The following ABCA5 variants were observed in gnomAD, a reference collection of about 807,000 sequenced individuals.
ABCA5 encodes ATP binding cassette subfamily A member 5, also known as cholesterol transporter ABCA5.
ABCA5 carries 163 observed loss-of-function variants against 206.0 expected under a neutral mutation model. That is an observed-to-expected ratio of 0.79 (90% CI 0.70 to 0.90). The LOEUF is 0.90. Ranked by LOEUF, ABCA5 falls within the 40% of genes least tolerant of loss-of-function variation. The pLI is 0.00. For synonymous variants in ABCA5, 609 were observed against 613.8 expected, an observed-to-expected ratio of 0.99 and a Z score of 0.11; for missense variants, 1,859 against 1,912.9, an observed-to-expected ratio of 0.97 and a Z score of 0.53.
Position 69,251,875 on chromosome 17 carries a change from CATAA to C in ABCA5, c.4416-13_4416-10del. 3 of 1,608,484 alleles carry C rather than the reference CATAA, an allele frequency of 1.9e-6. No homozygotes were observed. Among genetic ancestry groups the C allele is most frequent in the Non-Finnish European group, 2.5e-6 (3 of 1,178,752 alleles). On this transcript the variant is annotated splice_polypyrimidine_tract_variant and intron_variant, in intron 34 of 38. Coordinates refer to ENST00000392676, the MANE Select transcript of ABCA5 (RefSeq NM_172232.4). ...CAGTTCGAATTGCTCGCCTATAAAA[CATAA>C]ATAAAACAAAAAGAGAGGAACACAT... is the stretch of plus-strand genomic sequence containing the variant.
chr17:69,275,193 A>G (rs1211741772), intron 19 of ABCA5, among the ~76,000 whole-genome samples: 2 of 152,142 alleles, frequency 1.3e-5, no homozygotes, highest in African/African-American at 4.8e-5. Flanking sequence ...TAGAGAAGCA[A>G]ATAAAAATAC....
At chr17:69,261,498 A>G in intron 25 of ABCA5, 137 bp downstream of exon 25, 3 of 620,202 alleles carry the variant, frequency 4.8e-6, no homozygotes, top group East Asian at 6.0e-5. Flanking sequence ...ACAAATGTAC[A>G]CACAAAAAGA....
chr17:69,254,173 ATC>A (rs1162175872), intron 32 of ABCA5, 140 bp downstream of exon 32: 1 of 699,202 alleles, frequency 1.4e-6, no homozygotes, highest in East Asian at 2.9e-5. Flanking sequence ...ATTTTCATAT[ATC>A]ATAAAGAATA....
chr17:69,293,871 T>TGTGTGTGTGC (rs1555581962), intron 11 of ABCA5, among the ~76,000 whole-genome samples: 1 of 115,298 alleles, frequency 8.7e-6, no homozygotes, highest in African/African-American at 3.2e-5. Context: ...TGTGTGTGTG[T>TGTGTGTGTGC]GCGTGTGTGT....
At position 69,290,039 on chromosome 17, in the gene ABCA5, T is replaced by TA; in HGVS notation, c.1607-3dup. On this transcript the variant is annotated splice_polypyrimidine_tract_variant and splice_region_variant and intron_variant, in intron 12 of 38. Transcript: ENST00000392676. ...TGTGTCCATATATAGATGCAAACCC[T>TA]AAAAGCAAAATATATATTTAAATGT... 3 of 1,555,444 alleles carry TA rather than the reference T, an allele frequency of 1.9e-6. No individual in the cohort carries two copies. The highest frequency in any genetic ancestry group is 2.6e-6 in the Non-Finnish European group (3 of 1,152,476).
At chr17:69,252,029 T>TTTTTTTTG (rs2075020071) in intron 34 of ABCA5, among the ~76,000 whole-genome samples, 163 bp from the exon 35 acceptor site, 1 of 151,766 alleles carries the variant, frequency 6.6e-6, no homozygotes, top group Non-Finnish European at 1.5e-5. Context: ...TTTTTTTTTT[T>TTTTTTTTG]GAGACGGAGT....
At chr17:69,276,281 G>C (rs1023303878) in intron 19 of ABCA5, among the ~76,000 whole-genome samples, 28 of 152,054 alleles carry the variant, frequency 1.8e-4, no homozygotes, top group African/African-American at 6.0e-4. Flanking sequence ...TAGAGACGGA[G>C]TTTCACCATG....
Position 69,304,709 on chromosome 17 carries a change from A to G in ABCA5, c.890T>C (p.Ile297Thr). 6.2e-7 allele frequency: 1 copy of G among 1,607,834 alleles called. No individual in the cohort carries two copies. The highest frequency in any genetic ancestry group is 8.5e-7 in the Non-Finnish European group (1 of 1,177,230). The change falls in exon 7 of 39, where the codon ATT becomes ACT. Residue 297 changes from isoleucine to threonine, a missense_variant. By Grantham distance (89) the Ile-to-Thr change is moderately conservative (BLOSUM62 -1). Transcript: ENST00000392676. ...AAGGAAAAAAAGCAGAAATATCACAATGCTGCTACTTTGAGGAAATAACAA... is the reference window on the plus strand; with the variant it reads ...AAGGAAAAAAAGCAGAAATATCACAGTGCTGCTACTTTGAGGAAATAACAA... ...ASLLFPQSSS[I>T]VIFLLFFLYG... is the part of the protein sequence containing the mutation.
At chr17:69,264,353 T>C (rs1430489849) in intron 24 of ABCA5, among the ~76,000 whole-genome samples, 1 of 152,106 alleles carries the variant, frequency 6.6e-6, no homozygotes, top group Non-Finnish European at 1.5e-5. Context: ...ATTATTGAGA[T>C]AGAGAAATGT....
At chr17:69,263,635 T>C (rs1249221725) in intron 24 of ABCA5, among the ~76,000 whole-genome samples, 13 of 151,906 alleles carry the variant, frequency 8.6e-5, no homozygotes. Flanking sequence ...CTGGAGCCTT[T>C]ATAGTATAGT....
At chr17:69,286,183 G>A (rs771410838) in intron 16 of ABCA5, 38 bp downstream of exon 16, 1 of 1,572,456 alleles carries the variant, frequency 6.4e-7, no homozygotes, top group Non-Finnish European at 8.7e-7. Context: ...TATAGCAAGA[G>A]TATAATATAG....
intron 37 of ABCA5, 110 bp from the exon 38 acceptor site, chr17:69,248,427 A>C: frequency 1.6e-6 from 1 of 620,266 alleles, no homozygotes. Flanking sequence ...AACCCACTTA[A>C]ATTTGAAGCT....
In ABCA5 at chr17:69,306,840, G is replaced by C; in HGVS notation, c.673C>G (p.Leu225Val). ...TFPRGVILIY[L>V]VIAFSPFGYF... Reference sequence around the variant, plus strand: ...CCAAAAGGTGAAAATGCTATAACTAGGTATATTAAAATTACTCCTCGGGGA... The same window carrying C: ...CCAAAAGGTGAAAATGCTATAACTACGTATATTAAAATTACTCCTCGGGGA... The change falls in exon 6 of 39, where the codon CTA becomes GTA. Residue 225 changes from leucine to valine, a missense_variant. By Grantham distance (32) the Leu-to-Val change is conservative. Transcript: ENST00000392676. 2.5e-6 allele frequency: 4 copies of C among 1,601,744 alleles called. No homozygotes were observed. The highest frequency in any genetic ancestry group is 3.4e-6 in the Non-Finnish European group (4 of 1,173,488).
Position 69,289,897 on chromosome 17 carries a change from T to C in ABCA5, c.1747A>G (p.Ile583Val), listed in dbSNP as rs2075506207. Reference protein sequence around the residue: ...VEENLSILASIKGIPANNIIQ... With the variant: ...VEENLSILASVKGIPANNIIQ... ...ATATTGTTGGCTGGTATCCCTTTGA[T>C]TGAAGCCAAAATTGATAAATTTTCT... Residue 583 changes from isoleucine (I) to valine (V), a missense_variant, in exon 13 of 39, where the codon ATC becomes GTC. Ile to Val is a conservative substitution (Grantham distance 29). Coordinates refer to ENST00000392676, the MANE Select transcript of ABCA5 (RefSeq NM_172232.4). 2.5e-6 allele frequency: 4 copies of C among 1,611,458 alleles called. No individual in the cohort carries two copies. The highest frequency in any genetic ancestry group is 3.3e-5 in the Admixed American group (2 of 59,732).
At chr17:69,296,585 G>C (rs1173689158) in intron 10 of ABCA5, among the ~76,000 whole-genome samples, 1 of 152,182 alleles carries the variant, frequency 6.6e-6, no homozygotes, top group African/African-American at 2.4e-5. Flanking sequence ...TATTTATCAT[G>C]TTTCAGTCTA....
At chr17:69,322,584 C>T (rs79106753) in intron 1 of ABCA5, among the ~76,000 whole-genome samples, 2,368 of 152,080 alleles carry the variant, frequency 0.016, 55 homozygotes, top group African/African-American at 0.054. Flanking sequence ...ATACCTACTG[C>T]CTTTGTTAAA....
At chr17:69,273,768 T>G (rs1261815093) in intron 20 of ABCA5, among the ~76,000 whole-genome samples, 191 bp downstream of exon 20, 1 of 152,138 alleles carries the variant, frequency 6.6e-6, no homozygotes. Context: ...AACTGTCATT[T>G]ATTTGTAAAC....
chr17:69,259,660 T>C (rs2075123692), intron 28 of ABCA5, 46 bp downstream of exon 28: 3 of 1,308,262 alleles, frequency 2.3e-6, no homozygotes, highest in Non-Finnish European at 3.3e-6. Flanking sequence ...TACACAGTTC[T>C]GTAAATATAC....
At chr17:69,273,702 C>A (rs1047326274) in intron 20 of ABCA5, among the ~76,000 whole-genome samples, 1 of 151,992 alleles carries the variant, frequency 6.6e-6, no homozygotes, top group Non-Finnish European at 1.5e-5. Context: ...GTGATCCACC[C>A]GCCTTGGCCT....
Sources: gnomAD v4.1 joint callset for allele counts (sites outside exome capture counted in the v4.1 genomes callset) on GRCh38, gnomAD v4.1.1 for gene constraint, MANE v1.5 for transcripts, NCBI Gene and HGNC (gene_info 2026-07-23, HGNC 2026-07-21) for gene names.